The following DNAJB13 variants were observed in gnomAD, a reference collection of about 807,000 sequenced individuals.
DNAJB13 encodes the protein dnaJ homolog subfamily B member 13.
Under a neutral mutation model 35.6 loss-of-function variants are expected in DNAJB13, and 22 were observed. The observed-to-expected ratio is 0.62, with a 90% confidence interval of 0.44 to 0.88. DNAJB13 has a LOEUF of 0.88. Among genes scored for constraint, DNAJB13 ranks in the 40% least tolerant of loss-of-function variants. The probability of loss-of-function intolerance (pLI) is 0.00; values close to 1 mark genes in which losing one functional copy is unlikely to be tolerated. For synonymous variants in DNAJB13, 136 were observed against 144.2 expected (o/e 0.94, Z 0.41); for missense variants, 370 against 384.3 (o/e 0.96, Z 0.31).
rs889424551 is a variant in DNAJB13 at position 73,956,077 on chromosome 11, C to T, written c.69-2240C>T. Among the ~76,000 whole-genome samples, 13 of 151,048 alleles carry T rather than the reference C, an allele frequency of 8.6e-5. No homozygotes were observed. The South Asian group carries it at 1.0e-3, about 12-fold the overall frequency. On this transcript the variant is annotated intron_variant, in intron 1 of 7. Coordinates refer to ENST00000339764, the MANE Select transcript of DNAJB13 (RefSeq NM_153614.4). ...GCTTAGCATGTATCATTTATTTACTCACTCCTGCTCAGTGCCCAGCACTGG... is the reference window on the plus strand; with the variant it reads ...GCTTAGCATGTATCATTTATTTACTTACTCCTGCTCAGTGCCCAGCACTGG...
intron 3 of DNAJB13, chr11:73,963,945 A>T (rs1418087579): frequency 6.6e-6 from 1 of 152,208 alleles, no homozygotes; most frequent in East Asian, 1.9e-4. Context: ...TGTGGTTCAG[A>T]TCCCAACTCT....
At chr11:73,968,596 A>C in intron 6 of DNAJB13, 138 bp downstream of exon 6, 1 of 694,596 alleles carries the variant, frequency 1.4e-6, no homozygotes, top group Non-Finnish European at 2.4e-6. Flanking sequence ...CTAAATCACC[A>C]TCCACTTGGT....
chr11:73,965,268 T>G (rs1951077402), intron 4 of DNAJB13: 1 of 403,966 alleles, frequency 2.5e-6, no homozygotes. Flanking sequence ...CCTTCCCAAC[T>G]GGGACAGGCT....
intron 1 of DNAJB13, among the ~76,000 whole-genome samples, 200 bp downstream of exon 1, chr11:73,951,337 C>A (rs1386991271): frequency 6.6e-6 from 1 of 152,198 alleles, no homozygotes; most frequent in African/African-American, 2.4e-5. Context: ...GTTCCTCAAT[C>A]TGCTCCCAAC....
At position 73,969,293 on chromosome 11, in the gene DNAJB13, G is replaced by A. The variant is rs751050290; in HGVS notation, c.768G>A (p.Leu256=). ...AGGTGAGGACCCTAGATGACCGTCTGCTCAACATCCCCATCAATGACATCA... is the reference window on the plus strand; with the variant it reads ...AGGTGAGGACCCTAGATGACCGTCTACTCAACATCCCCATCAATGACATCA... ...TVEVRTLDDR[L]LNIPINDIIH... Residue 256 remains leucine (L), a synonymous_variant, in exon 7 of 8, where the codon CTG becomes CTA. Coordinates refer to ENST00000339764, the MANE Select transcript of DNAJB13 (RefSeq NM_153614.4). The A allele has an allele frequency of 1.1e-6, 1 of 872,762 alleles. No individual in the cohort carries two copies. The highest frequency in any genetic ancestry group is 2.4e-5 in the East Asian group (1 of 41,686). 54.1% of individuals were successfully genotyped at this position (872,762 alleles called of 1,614,324 possible).
At chr11:73,960,373 G>T (rs1179195798) in intron 3 of DNAJB13, among the ~76,000 whole-genome samples, 1 of 152,134 alleles carries the variant, frequency 6.6e-6, no homozygotes, top group African/African-American at 2.4e-5. Context: ...GTAGAGACGT[G>T]GTTTCACCAT....
chr11:73,966,132 CTA>C lies in DNAJB13; in HGVS notation c.493-3_493-2del. ...AGACCTCCCCACACCTGATATGTTGCTATAGGTGCTGAACGAGGATGGGTACT... is the reference window on the plus strand; with the variant it reads ...AGACCTCCCCACACCTGATATGTTGCTAGGTGCTGAACGAGGATGGGTACT... On this transcript the variant is annotated splice_polypyrimidine_tract_variant and splice_region_variant and intron_variant, in intron 4 of 7. Transcript: ENST00000339764. The C allele has an allele frequency of 1.2e-6, 2 of 1,610,440 alleles. No homozygotes were observed. The highest frequency in any genetic ancestry group is 1.7e-6 in the Non-Finnish European group (2 of 1,178,382).
intron 2 of DNAJB13, among the ~76,000 whole-genome samples, chr11:73,959,143 C>T (rs1348345819): frequency 6.6e-6 from 1 of 152,164 alleles, no homozygotes; most frequent in Non-Finnish European, 1.5e-5. Context: ...TCTACGATTC[C>T]GTTTACCCCA....
chr11:73,963,088 G>A (rs1030134307), intron 3 of DNAJB13, among the ~76,000 whole-genome samples: 5 of 152,284 alleles, frequency 3.3e-5, no homozygotes, highest in African/African-American at 1.2e-4. Flanking sequence ...CACTTCAGGA[G>A]GCTGAGGCCG....
At position 73,966,190 on chromosome 11, in the gene DNAJB13, T is replaced by C; in HGVS notation, c.545T>C (p.Ile182Thr). 10 of 1,613,798 alleles carry C rather than the reference T, an allele frequency of 6.2e-6. No homozygotes were observed. The highest frequency in any genetic ancestry group is 8.5e-6 in the Non-Finnish European group (10 of 1,179,970). Reference sequence around the variant, plus strand: ...ACCATCAAGGACAAGATCCTGACCATTGATGTGAAGCCCGGTTGGAGGCAG... The same window carrying C: ...ACCATCAAGGACAAGATCCTGACCACTGATGTGAAGCCCGGTTGGAGGCAG... ...SSTIKDKILT[I>T]DVKPGWRQGT... The change falls in exon 5 of 8, where the codon ATT becomes ACT. Residue 182 changes from isoleucine (I) to threonine (T), a missense_variant. Coordinates refer to ENST00000339764, the MANE Select transcript of DNAJB13 (RefSeq NM_153614.4).
At chr11:73,969,430 A>G (rs903020051) in intron 7 of DNAJB13, 108 bp downstream of exon 7, 2 of 722,812 alleles carry the variant, frequency 2.8e-6, no homozygotes, top group Non-Finnish European at 4.8e-6. Context: ...TGCCCCCAGC[A>G]GAAGGGTTCC....
chr11:73,963,050 G>A (rs1950977157), intron 3 of DNAJB13, among the ~76,000 whole-genome samples: 1 of 152,084 alleles, frequency 6.6e-6, no homozygotes, highest in Admixed American at 6.6e-5. Context: ...AATCGGCCGG[G>A]CATGGTGGCT....
chr11:73,959,577 T>G lies in DNAJB13; in HGVS notation c.256T>G (p.Trp86Gly), dbSNP rs775701724. The change falls in exon 3 of 8, where the codon TGG (tryptophan) becomes GGG (glycine). Residue 86 changes from tryptophan to glycine, a missense_variant. By Grantham distance (184) the Trp-to-Gly change is radical. Coordinates refer to ENST00000339764, the MANE Select transcript of DNAJB13 (RefSeq NM_153614.4). ...IPLEFGSQTPWTTGYVFHGKP... is the reference protein window; with the variant it reads ...IPLEFGSQTPGTTGYVFHGKP... ...TTTGGAGTTTGGATCCCAGACCCCA[T>G]GGACAACTGGTTACGTCTTCCATGG... 2 of 1,614,178 alleles carry G rather than the reference T, an allele frequency of 1.2e-6. No homozygotes were observed. Among genetic ancestry groups the G allele is most frequent in the Non-Finnish European group, 1.7e-6 (2 of 1,180,030 alleles).
At chr11:73,958,639 G>T (rs891151205) in intron 2 of DNAJB13, among the ~76,000 whole-genome samples, 1 of 152,204 alleles carries the variant, frequency 6.6e-6, no homozygotes, top group Admixed American at 6.5e-5. Flanking sequence ...ACACTGACTC[G>T]CTCATCCTGG....
At chr11:73,961,371 A>ACC (rs367853334) in intron 3 of DNAJB13, among the ~76,000 whole-genome samples, 68 of 152,256 alleles carry the variant, frequency 4.5e-4, no homozygotes, top group African/African-American at 1.5e-3. Flanking sequence ...TTCCAAGAAC[A>ACC]CCACCTCTAA....
At chr11:73,952,937 A>G (rs1055139271) in intron 1 of DNAJB13, among the ~76,000 whole-genome samples, 1 of 152,226 alleles carries the variant, frequency 6.6e-6, no homozygotes, top group African/African-American at 2.4e-5. Context: ...ATAAAGAGTG[A>G]TTAAGGCCTG....
intron 5 of DNAJB13, among the ~76,000 whole-genome samples, chr11:73,966,718 G>A (rs892115413): frequency 2.0e-5 from 3 of 151,524 alleles, no homozygotes; most frequent in South Asian, 2.1e-4. Flanking sequence ...TCTCACTGTC[G>A]CCCAGGCTGG....
intron 1 of DNAJB13, among the ~76,000 whole-genome samples, chr11:73,955,106 A>G (rs183370249): frequency 2.0e-5 from 3 of 150,464 alleles, no homozygotes; most frequent in Admixed American, 1.3e-4. Context: ...AAAAAAAAAA[A>G]GAGCTAAACT....
At chr11:73,954,643 AAAATAAATAAAT>A (rs10681304) in intron 1 of DNAJB13, among the ~76,000 whole-genome samples, 4 of 132,172 alleles carry the variant, frequency 3.0e-5, no homozygotes, top group Admixed American at 7.6e-5. Context: ...AAAAAAAAAT[AAAATAAATAAAT>A]AAATAAATAA....
Sources: gnomAD v4.1 joint callset for allele counts (sites outside exome capture counted in the v4.1 genomes callset) on GRCh38, gnomAD v4.1.1 for gene constraint, MANE v1.5 for transcripts, NCBI Gene and HGNC (gene_info 2026-07-23, HGNC 2026-07-21) for gene names.